PCDH15: variants seen among roughly 807,000 people sequenced by gnomAD.
PCDH15 encodes the protein protocadherin-15.
In PCDH15, 129 loss-of-function variants were observed where a neutral mutation model predicts 178.5. The ratio of observed to expected loss-of-function variants is 0.72; its 90% CI spans 0.63 to 0.84. The LOEUF (loss-of-function observed/expected upper bound fraction) is 0.84. PCDH15 is among the 40% of genes least tolerant of loss of function. The probability of loss-of-function intolerance (pLI) is 0.00; values close to 1 mark genes in which losing one functional copy is unlikely to be tolerated. For synonymous variants in PCDH15, 800 were observed against 732.0 expected (o/e 1.09, Z -1.50); for missense variants, 2,230 against 2,099.9 (o/e 1.06, Z -1.21).
At chr10:54,645,703 G>A (rs1342125868) in intron 2 of PCDH15, among the ~76,000 whole-genome samples, 3 of 152,098 alleles carry the variant, frequency 2.0e-5, no homozygotes, top group Non-Finnish European at 4.4e-5. Context: ...GTTTGTGTAT[G>A]TTTGCATGTG....
chr10:55,505,616 C>A (rs1265421552), intron 2 of PCDH15, among the ~76,000 whole-genome samples: 2 of 151,214 alleles, frequency 1.3e-5, no homozygotes, highest in Non-Finnish European at 3.0e-5. Flanking sequence ...GAGGAGTCTG[C>A]AATGGCAGGA....
chr10:54,914,940 G>T (rs565915788), intron 2 of PCDH15, among the ~76,000 whole-genome samples: 23 of 152,256 alleles, frequency 1.5e-4, no homozygotes, highest in African/African-American at 5.5e-4. Flanking sequence ...AAAAAGCAAA[G>T]ATACAATCTT....
chr10:54,787,949 A>G (rs1951045016), intron 1 of PCDH15, among the ~76,000 whole-genome samples: 1 of 151,932 alleles, frequency 6.6e-6, no homozygotes, highest in African/African-American at 2.4e-5. Flanking sequence ...ACAGCATGAG[A>G]AAACTTGGAA....
chr10:54,019,036 T>C (rs1214937347), intron 20 of PCDH15, among the ~76,000 whole-genome samples: 3 of 152,128 alleles, frequency 2.0e-5, no homozygotes, highest in Non-Finnish European at 4.4e-5. Context: ...AGTGCTTCAT[T>C]TATCTTATAG....
At chr10:54,381,687 A>G (rs1329578164) in intron 3 of PCDH15, among the ~76,000 whole-genome samples, 1 of 152,122 alleles carries the variant, frequency 6.6e-6, no homozygotes, top group African/African-American at 2.4e-5. Context: ...TAATAAAGGG[A>G]TCAACAGGAA....
intron 2 of PCDH15, among the ~76,000 whole-genome samples, chr10:55,524,473 T>C (rs1457502508): frequency 6.6e-6 from 1 of 151,766 alleles, no homozygotes; most frequent in East Asian, 1.9e-4. Context: ...TGGTGTTAAT[T>C]ATAATTATAC....
At position 54,447,226 on chromosome 10, in the gene PCDH15, T is replaced by G. The variant is rs145503410; in HGVS notation, c.158-68284A>C. Reference sequence around the variant, plus strand: ...CAACATCTTCACCTAGTTACTATTTTTGTGTGTGTGTGGTGAGAATACTTG... The same window carrying G: ...CAACATCTTCACCTAGTTACTATTTGTGTGTGTGTGTGGTGAGAATACTTG... On this transcript the variant is annotated intron_variant, in intron 3 of 37. Transcript: ENST00000644397. 2.7e-3 allele frequency among the ~76,000 whole-genome samples: 405 copies of G among 151,618 alleles called. 4 individuals carry two copies. Among genetic ancestry groups the G allele is most frequent in the African/African-American group, 9.1e-3 (378 of 41,440 alleles).
At chr10:55,250,686 G>A (rs111680298) in intron 1 of PCDH15, among the ~76,000 whole-genome samples, 13,904 of 151,060 alleles carry the variant, frequency 0.092, 652 homozygotes, top group African/African-American at 0.1. Flanking sequence ...ACAGGTGCCC[G>A]CCACCACACC....
At chr10:55,112,814 G>T (rs944634539) in intron 2 of PCDH15, among the ~76,000 whole-genome samples, 10 of 152,160 alleles carry the variant, frequency 6.6e-5, no homozygotes, top group Admixed American at 1.3e-4. Flanking sequence ...TCAAAAGGTA[G>T]ATAGTAGCTA....
At chr10:54,816,918 A>G (rs192538425) in intron 3 of PCDH15, among the ~76,000 whole-genome samples, 6 of 151,998 alleles carry the variant, frequency 3.9e-5, no homozygotes, top group African/African-American at 1.4e-4. Flanking sequence ...TTCAGTGCCC[A>G]CTCCAGAAAA....
intron 2 of PCDH15, among the ~76,000 whole-genome samples, chr10:54,626,730 T>C (rs1379440759): frequency 6.6e-6 from 1 of 152,100 alleles, no homozygotes; most frequent in Non-Finnish European, 1.5e-5. Flanking sequence ...ACAGAGTCCC[T>C]ATTGGGGCAC....
intron 1 of PCDH15, among the ~76,000 whole-genome samples, chr10:54,695,280 C>G (rs2095204625): frequency 6.6e-6 from 1 of 152,094 alleles, no homozygotes. Flanking sequence ...GATAGAAAAT[C>G]AAACCAACCA....
At chr10:54,852,767 C>T (rs1953646137) in intron 3 of PCDH15, among the ~76,000 whole-genome samples, 3 of 151,594 alleles carry the variant, frequency 2.0e-5, no homozygotes, top group South Asian at 2.1e-4. Context: ...GCAGGAGAAT[C>T]GCTTGAACCT....
intron 2 of PCDH15, among the ~76,000 whole-genome samples, chr10:54,659,871 G>A (rs1475421728): frequency 1.3e-5 from 2 of 151,626 alleles, no homozygotes; most frequent in Admixed American, 1.3e-4. Context: ...GCAGACATAA[G>A]AAAAAGTTGA....
At chr10:55,290,151 T>G (rs1352934791) in intron 1 of PCDH15, among the ~76,000 whole-genome samples, 1 of 151,932 alleles carries the variant, frequency 6.6e-6, no homozygotes, top group African/African-American at 2.4e-5. Flanking sequence ...TTACTAGATA[T>G]AATATACATA....
intron 3 of PCDH15, among the ~76,000 whole-genome samples, chr10:54,446,873 G>T (rs572480240): frequency 6.6e-6 from 1 of 151,528 alleles, no homozygotes; most frequent in South Asian, 2.1e-4. Context: ...ATAACTTCAA[G>T]GTAACAAAAA....
At chr10:55,508,846 A>G (rs907025809) in intron 2 of PCDH15, among the ~76,000 whole-genome samples, 19 of 151,910 alleles carry the variant, frequency 1.3e-4, no homozygotes, top group South Asian at 1.0e-3. Flanking sequence ...GTATTATGTG[A>G]TCAGGATAAA....
chr10:55,538,030 A>G (rs1841622034), intron 2 of PCDH15, among the ~76,000 whole-genome samples: 1 of 152,192 alleles, frequency 6.6e-6, no homozygotes, highest in Admixed American at 6.5e-5. Context: ...CTAAATTAGA[A>G]CTCATTACAT....
intron 2 of PCDH15, among the ~76,000 whole-genome samples, chr10:55,419,735 A>G (rs1247965011): frequency 1.3e-5 from 2 of 151,786 alleles, no homozygotes; most frequent in East Asian, 1.9e-4. Context: ...CATTTCTTTC[A>G]TATTATCTAT....
Sources: gnomAD v4.1 joint callset for allele counts (sites outside exome capture counted in the v4.1 genomes callset) on GRCh38, gnomAD v4.1.1 for gene constraint, MANE v1.5 for transcripts, NCBI Gene and HGNC (gene_info 2026-07-23, HGNC 2026-07-21) for gene names.